The following MYO3A variants were observed in gnomAD, a reference collection of about 807,000 sequenced individuals.
MYO3A encodes myosin-IIIa.
MYO3A carries 180 observed loss-of-function variants against 192.7 expected under a neutral mutation model. The observed-to-expected ratio is 0.93, with a 90% CI of 0.83 to 1.06. The LOEUF is 1.06. Ranked by LOEUF, MYO3A falls within the 50% of genes least tolerant of loss-of-function variation. MYO3A has a pLI of 0.00. For synonymous variants in MYO3A, 628 were observed against 645.3 expected (o/e 0.97, Z 0.41); for missense variants, 1,896 against 1,905.0 (o/e 1.00, Z 0.09).
chr10:26,175,380 G>A (rs573999842), intron 30 of MYO3A, among the ~76,000 whole-genome samples: 27 of 152,284 alleles, frequency 1.8e-4, no homozygotes, highest in Non-Finnish European at 3.2e-4. Flanking sequence ...ATTTTCTCCA[G>A]TGTGAAATGA....
intron 4 of MYO3A, among the ~76,000 whole-genome samples, chr10:25,985,219 C>G (rs1198998732): frequency 1.1e-5 from 1 of 92,418 alleles, no homozygotes; most frequent in Non-Finnish European, 2.1e-5. Context: ...GCGTGGGTGA[C>G]AAAGCAAGAC....
chr10:26,055,504 T>C (rs1844260371), intron 10 of MYO3A, among the ~76,000 whole-genome samples: 1 of 152,078 alleles, frequency 6.6e-6, no homozygotes, highest in South Asian at 2.1e-4. Flanking sequence ...AAATTTGAAC[T>C]GTAATCGATG....
At chr10:26,100,580 G>A (rs1837377198) in intron 17 of MYO3A, among the ~76,000 whole-genome samples, 2 of 152,154 alleles carry the variant, frequency 1.3e-5, no homozygotes, top group Admixed American at 1.3e-4. Flanking sequence ...CTTTAAGTGT[G>A]TCCCAGAGAT....
rs200308780 is a variant in MYO3A, at chr10:26,080,596, GA to G, written c.1360-7606del. 1.0e-4 allele frequency among the ~76,000 whole-genome samples: 14 copies of G among 136,010 alleles called. No homozygotes were observed. The East Asian group carries it at 1.4e-3, about 13-fold the overall frequency. The allele number at this position is 136,010 out of a possible 152,430, so 89.2% of individuals were successfully genotyped here. The stretch of plus-strand genomic sequence containing the variant: ...TGAACTAGTGTAATTTTTTTGGGGG[GA>G]GGCGGGGCGGGGGTGGGTGTTGAAG... On this transcript the variant is annotated intron_variant, in intron 14 of 34. Transcript: ENST00000642920.
At chr10:26,054,750 C>A (rs988528265) in intron 10 of MYO3A, among the ~76,000 whole-genome samples, 1 of 152,148 alleles carries the variant, frequency 6.6e-6, no homozygotes, top group African/African-American at 2.4e-5. Flanking sequence ...GCAGCCATGA[C>A]CGAAGAATGC....
chr10:26,139,694 G>C (rs1840044860), intron 20 of MYO3A, among the ~76,000 whole-genome samples: 1 of 152,062 alleles, frequency 6.6e-6, no homozygotes, highest in Non-Finnish European at 1.5e-5. Flanking sequence ...TTTGAGGTCA[G>C]GCGTTTGAGA....
At chr10:26,011,092 G>A (rs184451551) in intron 6 of MYO3A, among the ~76,000 whole-genome samples, 109 of 152,174 alleles carry the variant, frequency 7.2e-4, no homozygotes, top group African/African-American at 2.5e-3. Context: ...GGCTCACTGC[G>A]ACCTCTGCCT....
chr10:25,975,881 A>G (rs564391437), intron 4 of MYO3A, among the ~76,000 whole-genome samples: 3 of 152,356 alleles, frequency 2.0e-5, no homozygotes, highest in South Asian at 4.1e-4. Flanking sequence ...CATATGTGAT[A>G]AACACAGTCA....
intron 20 of MYO3A, among the ~76,000 whole-genome samples, chr10:26,139,375 GA>G (rs893466649): frequency 2.9e-4 from 44 of 151,976 alleles, no homozygotes; most frequent in Admixed American, 2.7e-3. Context: ...AAGTAGCTGG[GA>G]TTACAGGTAT....
In MYO3A at chr10:25,946,877, CAAAAAAAAAAAAAAAAA is replaced by C. The variant is rs34045169; in HGVS notation, c.-17-5203_-17-5187del. 2.5e-3 allele frequency among the ~76,000 whole-genome samples: 124 copies of C among 50,150 alleles called. 1 individual carries two copies. Among genetic ancestry groups the C allele is most frequent in the Admixed American group, 6.3e-3 (18 of 2,862 alleles). The allele number at this position is 50,150 out of a possible 152,430, so 32.9% of individuals were successfully genotyped here. ...TGGGTGACAGAGTGAGACTCCGTCTCAAAAAAAAAAAAAAAAAAAAAAAAAAAAAAGATTTGCCTTGC... is the reference window on the plus strand; with the variant it reads ...TGGGTGACAGAGTGAGACTCCGTCTCAAAAAAAAAAAAAGATTTGCCTTGC... On this transcript the variant is annotated intron_variant, in intron 2 of 34. Transcript: ENST00000642920.
intron 11 of MYO3A, among the ~76,000 whole-genome samples, chr10:26,067,922 CA>C (rs1834953421): frequency 1.3e-5 from 2 of 152,108 alleles, no homozygotes; most frequent in African/African-American, 2.4e-5. Flanking sequence ...TAGAGGTAGT[CA>C]TTTGGTAAAT....
chr10:26,201,322 G>A lies in MYO3A; in HGVS notation c.4586+17G>A, dbSNP rs1029484498. Reference sequence around the variant, plus strand: ...GAAAGACAGGTAATTATTACTTCTGGATTTCAATCAGTCATCTTATTCAAA... The same window carrying A: ...GAAAGACAGGTAATTATTACTTCTGAATTTCAATCAGTCATCTTATTCAAA... On this transcript the variant is annotated intron_variant, in intron 33 of 34. Transcript: ENST00000642920. 6.5e-7 allele frequency: 1 copy of A among 1,543,454 alleles called. No homozygotes were observed. Among genetic ancestry groups the A allele is most frequent in the Non-Finnish European group, 8.9e-7 (1 of 1,124,134 alleles).
chr10:25,954,729 A>G, intron 3 of MYO3A, 145 bp from the exon 4 acceptor site: 1 of 755,726 alleles, frequency 1.3e-6, no homozygotes, highest in Non-Finnish European at 2.1e-6. Flanking sequence ...ATGTAATGAG[A>G]AATTACAATA....
In MYO3A at chr10:26,016,866, C is replaced by G; in HGVS notation, c.555C>G (p.Ser185=). The part of the protein sequence containing the change: ...LTSTRHRRNT[S]VGTPFWMAPE... ...GTACCCGGCACCGTCGGAACACATC[C>G]GTAGGAACACCGTTTTGGATGGCTC... is the stretch of plus-strand genomic sequence containing the variant. Residue 185 remains serine (S), a synonymous_variant, in exon 7 of 35, where the codon TCC becomes TCG. Coordinates refer to ENST00000642920, the MANE Select transcript of MYO3A (RefSeq NM_017433.5). 6.2e-7 allele frequency: 1 copy of G among 1,614,152 alleles called. No homozygotes were observed. The highest frequency in any genetic ancestry group is 8.5e-7 in the Non-Finnish European group (1 of 1,180,004).
chr10:26,154,860 T>A (rs1461634471), intron 25 of MYO3A, 37 bp downstream of exon 25: 1 of 1,544,454 alleles, frequency 6.5e-7, no homozygotes, highest in African/African-American at 1.4e-5. Context: ...TGCTTAGGGG[T>A]GCTATTTAGT....
At chr10:26,175,944 CG>C (rs145991384) in intron 30 of MYO3A, among the ~76,000 whole-genome samples, 2 of 151,994 alleles carry the variant, frequency 1.3e-5, no homozygotes, top group East Asian at 1.9e-4. Context: ...ACGATAGAGG[CG>C]GGGGGCAGAA....
intron 17 of MYO3A, among the ~76,000 whole-genome samples, chr10:26,100,346 C>A (rs192265754): frequency 6.6e-6 from 1 of 151,982 alleles, no homozygotes; most frequent in Admixed American, 6.6e-5. Flanking sequence ...TTAATCTTTT[C>A]AAAAACCAGC....
At chr10:26,024,415 T>C (rs1842449607) in intron 9 of MYO3A, among the ~76,000 whole-genome samples, 1 of 152,218 alleles carries the variant, frequency 6.6e-6, no homozygotes, top group Non-Finnish European at 1.5e-5. Context: ...TTCGCTTCTT[T>C]ATCCATCTTT....
chr10:26,177,055 G>A (rs374058736), intron 31 of MYO3A, among the ~76,000 whole-genome samples: 1 of 151,682 alleles, frequency 6.6e-6, no homozygotes, highest in Admixed American at 6.6e-5. Context: ...CCTCCATTTA[G>A]TATGTTTTCC....
Sources: gnomAD v4.1 joint callset for allele counts (sites outside exome capture counted in the v4.1 genomes callset) on GRCh38, gnomAD v4.1.1 for gene constraint, MANE v1.5 for transcripts, NCBI Gene and HGNC (gene_info 2026-07-23, HGNC 2026-07-21) for gene names.